The following SSBP3 variants were observed in gnomAD, a reference collection of about 807,000 sequenced individuals.
SSBP3 encodes single stranded DNA binding protein 3, also known as single-stranded DNA-binding protein 3.
SSBP3 carries 5 observed loss-of-function variants against 69.6 expected under a neutral mutation model. The ratio of observed to expected loss-of-function variants is 0.07; its 90% CI spans 0.04 to 0.15. The LOEUF (loss-of-function observed/expected upper bound fraction) is 0.15, where lower values mean the gene tolerates loss of function less well. Ranked by LOEUF, SSBP3 falls within the 10% of genes least tolerant of loss-of-function variation. The pLI is 1.00. For synonymous variants in SSBP3, 196 were observed against 193.4 expected (o/e 1.01, Z -0.11); for missense variants, 312 against 534.0 (o/e 0.58, Z 4.10).
At position 54,227,178 on chromosome 1, in the gene SSBP3, A is replaced by C; in HGVS notation, c.1138-18T>G. ...GGAGAATACTGGAAAGGAGAAGCAG[A>C]GAAGGGGGGGGGGTGAGGATTGTGG... On this transcript the variant is annotated intron_variant, in intron 17 of 17. Coordinates refer to ENST00000610401, the Ensembl canonical transcript of SSBP3. 5 of 512,994 alleles carry C rather than the reference A, an allele frequency of 9.7e-6. No homozygotes were observed. The highest frequency in any genetic ancestry group is 1.5e-5 in the Non-Finnish European group (5 of 325,844). The allele number at this position is 512,994 out of a possible 1,614,324, so 31.8% of individuals were successfully genotyped here. A position where few individuals can be genotyped will look rare whatever the true frequency, so the allele number is the denominator to read the frequency against.
At position 54,240,107 on chromosome 1, in the gene SSBP3, T is replaced by TGCGTGCGCGCGCGCGTGTGCGTGC. The variant is rs1553123257; in HGVS notation, c.856+797_856+798insGCACGCACACGCGCGCGCGCACGC. ...GTGTGTGCGCGCGCGCGCGTGTGCG[T>TGCGTGCGCGCGCGCGTGTGCGTGC]GCGCGCGCGCGCGCAACACATGCCC... On this transcript the variant is annotated intron_variant, in intron 13 of 17. Transcript: ENST00000610401. Among the ~76,000 whole-genome samples the TGCGTGCGCGCGCGCGTGTGCGTGC allele has an allele frequency of 1.6e-4, 22 of 134,570 alleles. 1 individual carries two copies. Among genetic ancestry groups the TGCGTGCGCGCGCGCGTGTGCGTGC allele is most frequent in the Admixed American group, 1.5e-3 (21 of 14,048 alleles). 88.3% of individuals were successfully genotyped at this position (134,570 alleles called of 152,430 possible).
chr1:54,243,069 T>A, intron 10 of SSBP3, 166 bp downstream of exon 10: 1 of 711,062 alleles, frequency 1.4e-6, no homozygotes, highest in South Asian at 1.7e-5. Flanking sequence ...TCTATGAGGC[T>A]GAGCTCTCAT....
rs558955086 is a variant in SSBP3 at position 54,259,992 on chromosome 1, A to C, written c.367-1843T>G. 2.0e-5 allele frequency among the ~76,000 whole-genome samples: 3 copies of C among 152,368 alleles called. No homozygotes were observed. In the East Asian group the frequency reaches 5.8e-4, roughly 29 times the overall value. On this transcript the variant is annotated intron_variant, in intron 5 of 17. Transcript: ENST00000610401. ...CAAGCATTTGTTTAGCGGCTTTCCC[A>C]AACATGAATACCACTGTGATAATGG... is the stretch of plus-strand genomic sequence containing the variant.
chr1:54,257,976 G>A, intron 6 of SSBP3, 93 bp downstream of exon 6: 2 of 1,247,870 alleles, frequency 1.6e-6, no homozygotes, highest in Non-Finnish European at 1.1e-6. Context: ...GCAGTGGCTA[G>A]AGCACATTTT....
chr1:54,238,979 C>A, intron 14 of SSBP3, 150 bp downstream of exon 14: 2 of 699,508 alleles, frequency 2.9e-6, no homozygotes, highest in Non-Finnish European at 2.5e-6. Flanking sequence ...CTGAGTTGCC[C>A]AAGAGTTAAT....
At chr1:54,348,099 A>G (rs902269490) in intron 4 of SSBP3, among the ~76,000 whole-genome samples, 50 of 152,052 alleles carry the variant, frequency 3.3e-4, no homozygotes, top group Admixed American at 1.9e-3. Context: ...CCATCCGGAG[A>G]GGTCAGAGTC....
chr1:54,332,461 C>G (rs1325621038), intron 4 of SSBP3, among the ~76,000 whole-genome samples: 1 of 152,176 alleles, frequency 6.6e-6, no homozygotes. Context: ...CCAGGTCAAG[C>G]TGCCCATCTG....
At chr1:54,281,470 G>A (rs1373669658) in exon 5 of SSBP3, 2 of 1,567,452 alleles carry the variant, frequency 1.3e-6, no homozygotes, top group Non-Finnish European at 8.6e-7. Flanking sequence ...GGGCCTCCCG[G>A]CATCCCATCG....
At chr1:54,227,330 G>T (rs373336918) in intron 17 of SSBP3, among the ~76,000 whole-genome samples, 170 bp from the exon 18 acceptor site, 12 of 152,168 alleles carry the variant, frequency 7.9e-5, no homozygotes, top group East Asian at 5.8e-4. Context: ...GGGCCGGTAG[G>T]GCAGGATAAG....
intron 9 of SSBP3, among the ~76,000 whole-genome samples, chr1:54,248,709 G>A (rs558580753): frequency 1.3e-5 from 2 of 152,272 alleles, no homozygotes; most frequent in East Asian, 3.9e-4. Context: ...CCTTGTCTGG[G>A]CCCAGTGCTA....
chr1:54,260,313 C>T (rs571478673), intron 5 of SSBP3, among the ~76,000 whole-genome samples: 8 of 152,348 alleles, frequency 5.3e-5, no homozygotes, highest in Admixed American at 2.0e-4. Flanking sequence ...CCTCCTCCCT[C>T]GCGTCCTTCC....
At chr1:54,351,872 T>C (rs901882648) in intron 4 of SSBP3, among the ~76,000 whole-genome samples, 3 of 152,324 alleles carry the variant, frequency 2.0e-5, no homozygotes, top group South Asian at 2.1e-4. Flanking sequence ...GCTGCCTATC[T>C]ATCCATCCAC....
intron 4 of SSBP3, among the ~76,000 whole-genome samples, chr1:54,295,128 A>T (rs1224416567): frequency 6.6e-6 from 1 of 152,020 alleles, no homozygotes; most frequent in African/African-American, 2.4e-5. Flanking sequence ...CCCTCACTTG[A>T]CATGAAATGA....
chr1:54,272,762 CA>C (rs1338603800), intron 5 of SSBP3, among the ~76,000 whole-genome samples: 1 of 152,190 alleles, frequency 6.6e-6, no homozygotes, highest in Non-Finnish European at 1.5e-5. Flanking sequence ...TAAGAAAACG[CA>C]AAGTAAAAAC....
Position 54,242,328 on chromosome 1 carries a change from G to C in SSBP3, c.717-116C>G, listed in dbSNP as rs1246976013. 6.4e-6 allele frequency: 8 copies of C among 1,249,038 alleles called. No homozygotes were observed. The East Asian group carries it at 1.4e-4, about 22-fold the overall frequency. 77.4% of individuals were successfully genotyped at this position (1,249,038 alleles called of 1,614,324 possible). A position where few individuals can be genotyped will look rare whatever the true frequency, so the allele number is the denominator to read the frequency against. On this transcript the variant is annotated intron_variant, in intron 10 of 17. Coordinates refer to ENST00000610401, the Ensembl canonical transcript of SSBP3. ...ATCACAACAGGAAGTCCTTCCTACA[G>C]CCCTGCGGTTTAGAGCCTTCTGGCT...
intron 4 of SSBP3, among the ~76,000 whole-genome samples, chr1:54,361,934 G>A (rs906316150): frequency 6.6e-6 from 1 of 152,192 alleles, no homozygotes; most frequent in Non-Finnish European, 1.5e-5. Context: ...CACTGAAAGA[G>A]GGTGCAACCA....
chr1:54,259,431 C>A (rs372457466), intron 5 of SSBP3, among the ~76,000 whole-genome samples: 1 of 152,200 alleles, frequency 6.6e-6, no homozygotes. Context: ...AGTCAGTAAG[C>A]GCGGAGGGCT....
chr1:54,411,578 A>C (rs1649990773), intron 1 of SSBP3, among the ~76,000 whole-genome samples: 1 of 151,938 alleles, frequency 6.6e-6, no homozygotes. Flanking sequence ...CACTTGAGCC[A>C]GGGACGCTGG....
intron 4 of SSBP3, among the ~76,000 whole-genome samples, chr1:54,369,825 AT>A (rs1647097879): frequency 7.1e-6 from 1 of 141,764 alleles, no homozygotes; most frequent in South Asian, 2.2e-4. Flanking sequence ...TTGAGATGGG[AT>A]TCCCAAGATT....
Sources: gnomAD v4.1 joint callset for allele counts (sites outside exome capture counted in the v4.1 genomes callset) on GRCh38, gnomAD v4.1.1 for gene constraint, MANE v1.5 for transcripts, NCBI Gene and HGNC (gene_info 2026-07-23, HGNC 2026-07-21) for gene names.